The following DMXL2 variants were observed in gnomAD, a reference collection of about 807,000 sequenced individuals.
DMXL2 encodes dmX-like protein 2.
A neutral mutation model predicts 331.1 loss-of-function variants in DMXL2; 103 were observed. That is an observed-to-expected ratio of 0.31 (90% CI 0.27 to 0.37). The LOEUF (loss-of-function observed/expected upper bound fraction) is 0.37. Among genes scored for constraint, DMXL2 ranks in the 10% least tolerant of loss-of-function variants. The pLI, the probability that DMXL2 is intolerant of heterozygous loss-of-function variation, is 1.00. For missense variants in DMXL2, 3,171 were observed against 3,642.9 expected, an observed-to-expected ratio of 0.87 and a Z score of 3.33; for synonymous variants, 1,281 against 1,252.1, an observed-to-expected ratio of 1.02 and a Z score of -0.49.
chr15:51,477,596 G>C (rs1179835341), intron 26 of DMXL2, among the ~76,000 whole-genome samples: 1 of 151,984 alleles, frequency 6.6e-6, no homozygotes, highest in Non-Finnish European at 1.5e-5. Flanking sequence ...AAGAAAGCCA[G>C]AAATATATTT....
rs946564372 is a variant in DMXL2, at chr15:51,498,930, A to G, written c.4294T>C (p.Tyr1432His). The G allele has an allele frequency of 2.5e-6, 4 of 1,614,146 alleles. No individual in the cohort carries two copies. Among genetic ancestry groups the G allele is most frequent in the Non-Finnish European group, 2.5e-6 (3 of 1,180,030 alleles). Reference protein sequence around the residue: ...EIDSIPPLPLYALLAADQDTS... With the variant: ...EIDSIPPLPLHALLAADQDTS... ...TCTTGATCTGCAGCAAGTAATGCAT[A>G]TAGTGGTAGTGGAGGGATAGAATCT... Residue 1432 changes from tyrosine to histidine, a missense_variant, in exon 18 of 44, where the codon TAT becomes CAT. Physicochemically the swap from Tyr to His is moderately conservative, Grantham distance 83. Transcript: ENST00000560891.
intron 16 of DMXL2, among the ~76,000 whole-genome samples, chr15:51,505,109 T>C (rs566379642): frequency 6.6e-6 from 1 of 152,340 alleles, no homozygotes; most frequent in Admixed American, 6.5e-5. Context: ...CTCAACATGT[T>C]TCCTTCTCTA....
intron 4 of DMXL2, 106 bp from the exon 5 acceptor site, chr15:51,564,366 T>A: frequency 1.1e-6 from 1 of 877,842 alleles, no homozygotes; most frequent in Non-Finnish European, 1.6e-6. Flanking sequence ...ATGTGAAAAG[T>A]AAGCAATATC....
chr15:51,558,385 T>C (rs1165529964), intron 6 of DMXL2, among the ~76,000 whole-genome samples: 2 of 152,154 alleles, frequency 1.3e-5, no homozygotes, highest in Non-Finnish European at 2.9e-5. Context: ...AAAGGCATCA[T>C]GAACCTTAAT....
intron 29 of DMXL2, 31 bp downstream of exon 29, chr15:51,471,192 T>C: frequency 6.3e-7 from 1 of 1,591,158 alleles, no homozygotes; most frequent in Non-Finnish European, 8.6e-7. Flanking sequence ...GATAGACTTC[T>C]CTTAAAGCTT....
At chr15:51,474,270 G>GA in intron 28 of DMXL2, 74 bp downstream of exon 28, 2 of 1,443,860 alleles carry the variant, frequency 1.4e-6, no homozygotes, top group South Asian at 2.9e-5. Context: ...GAAATTTCTT[G>GA]AAACATTAAA....
At chr15:51,585,562 A>C (rs199862275) in intron 1 of DMXL2, among the ~76,000 whole-genome samples, 2 of 152,336 alleles carry the variant, frequency 1.3e-5, no homozygotes, top group East Asian at 3.9e-4. Context: ...TATGTGTCCA[A>C]GAATCCCTAC....
chr15:51,528,643 A>C (rs951748391), intron 13 of DMXL2, among the ~76,000 whole-genome samples: 1 of 152,182 alleles, frequency 6.6e-6, no homozygotes, highest in African/African-American at 2.4e-5. Flanking sequence ...TTAGAGTTAC[A>C]GAAAGAGATA....
At chr15:51,545,889 A>G in intron 7 of DMXL2, 123 bp from the exon 8 acceptor site, 1 of 721,630 alleles carries the variant, frequency 1.4e-6, no homozygotes, top group Non-Finnish European at 2.2e-6. Flanking sequence ...AAAGGAATCA[A>G]TCAAAGAGCT....
intron 6 of DMXL2, among the ~76,000 whole-genome samples, chr15:51,562,585 T>C (rs1162802298): frequency 6.6e-6 from 1 of 152,116 alleles, no homozygotes; most frequent in African/African-American, 2.4e-5. Context: ...GTTCCCAGAA[T>C]ACCTCCTATG....
At chr15:51,553,055 C>G (rs1300167894) in intron 6 of DMXL2, among the ~76,000 whole-genome samples, 1 of 152,222 alleles carries the variant, frequency 6.6e-6, no homozygotes, top group African/African-American at 2.4e-5. Context: ...GTTATCTCCT[C>G]AGCAAAGCTT....
chr15:51,461,351 T>C (rs2040102731), intron 33 of DMXL2, among the ~76,000 whole-genome samples: 1 of 151,824 alleles, frequency 6.6e-6, no homozygotes, highest in Non-Finnish European at 1.5e-5. Context: ...AATGGGAGGG[T>C]CCAAGAAACC....
Position 51,484,605 on chromosome 15 carries a change from T to C in DMXL2, c.5482+1468A>G, listed in dbSNP as rs185257274. Reference sequence around the variant, plus strand: ...ACTCCATAAAATTAGAAGAGGCAACTTTTTCTGCCAGATACATAGAAATCA... The same window carrying C: ...ACTCCATAAAATTAGAAGAGGCAACCTTTTCTGCCAGATACATAGAAATCA... On this transcript the variant is annotated intron_variant, in intron 23 of 43. Transcript: ENST00000560891. Among the ~76,000 whole-genome samples the C allele has an allele frequency of 3.3e-5, 5 of 152,172 alleles. No homozygotes were observed. In the East Asian group the frequency reaches 9.7e-4, roughly 29 times the overall value.
intron 18 of DMXL2, 108 bp from the exon 19 acceptor site, chr15:51,495,242 A>G (rs984948269): frequency 1.5e-5 from 10 of 648,104 alleles, no homozygotes; most frequent in African/African-American, 5.5e-5. Flanking sequence ...TATAAAATAC[A>G]TAAGTTTTAG....
At chr15:51,507,876 G>C (rs909420105) in intron 15 of DMXL2, among the ~76,000 whole-genome samples, 13 of 150,148 alleles carry the variant, frequency 8.7e-5, no homozygotes, top group African/African-American at 2.9e-4. Context: ...AAATTTTGTA[G>C]AAATTTCATG....
intron 1 of DMXL2, among the ~76,000 whole-genome samples, chr15:51,621,452 G>C (rs974933025): frequency 3.9e-5 from 6 of 152,156 alleles, no homozygotes; most frequent in Non-Finnish European, 2.9e-5. Context: ...AAGAAGAACA[G>C]TTTACAAAAT....
At chr15:51,593,687 G>A (rs931537249) in intron 1 of DMXL2, among the ~76,000 whole-genome samples, 1 of 151,966 alleles carries the variant, frequency 6.6e-6, no homozygotes, top group African/African-American at 2.4e-5. Flanking sequence ...TCAGCAAATG[G>A]AAAAGAACAG....
intron 23 of DMXL2, among the ~76,000 whole-genome samples, chr15:51,485,356 T>C (rs1445155792): frequency 1.3e-5 from 2 of 152,160 alleles, no homozygotes; most frequent in African/African-American, 4.8e-5. Flanking sequence ...TCCCAAAAGG[T>C]AGCCAGTGAC....
intron 20 of DMXL2, among the ~76,000 whole-genome samples, chr15:51,489,269 T>C (rs1370037561): frequency 6.6e-6 from 1 of 152,204 alleles, no homozygotes; most frequent in Non-Finnish European, 1.5e-5. Flanking sequence ...AGTGGATGTT[T>C]TATTAATTAG....
Sources: allele counts gnomAD v4.1 joint callset (sites outside exome capture counted in the v4.1 genomes callset), GRCh38; gene constraint gnomAD v4.1.1; transcripts MANE v1.5; gene names NCBI Gene and HGNC (gene_info 2026-07-23, HGNC 2026-07-21).